The following ERCC6L2 variants were observed in gnomAD, a reference collection of about 807,000 sequenced individuals.
ERCC6L2 encodes the protein ERCC excision repair 6 like 2, also known as DNA excision repair protein ERCC-6-like 2.
ERCC6L2 carries 77 observed loss-of-function variants against 132.0 expected under a neutral mutation model. The observed-to-expected ratio is 0.58, with a 90% confidence interval of 0.49 to 0.71. The LOEUF (loss-of-function observed/expected upper bound fraction) is 0.71. Ranked by LOEUF, ERCC6L2 falls within the 30% of genes least tolerant of loss-of-function variation. The pLI is 0.00. For missense variants in ERCC6L2, 1,542 were observed against 1,837.6 expected (o/e 0.84, Z 2.94); for synonymous variants, 583 against 632.4 (o/e 0.92, Z 1.17).
intron 17 of ERCC6L2, among the ~76,000 whole-genome samples, chr9:95,999,855 A>C (rs1833598774): frequency 6.6e-6 from 1 of 151,168 alleles, no homozygotes. Context: ...TCAAACTTTA[A>C]AGATTAACAT....
At chr9:96,022,695 GCACA>G (rs1834311720), downstream of ERCC6L2, among the ~76,000 whole-genome samples, 1 of 152,190 alleles carries the variant, frequency 6.6e-6, no homozygotes, top group South Asian at 2.1e-4. Flanking sequence ...AGGCAGTGGG[GCACA>G]GGTTCAGTGT....
intron 18 of ERCC6L2, among the ~76,000 whole-genome samples, chr9:96,010,018 AGAAGGGCCAT>A (rs1206474674): frequency 1.1e-4 from 16 of 152,262 alleles, no homozygotes; most frequent in Admixed American, 1.0e-3. Flanking sequence ...AATATTTAAT[AGAAGGGCCAT>A]GAAAATGGAT....
At chr9:95,898,473 C>T (rs567636177) in intron 3 of ERCC6L2, among the ~76,000 whole-genome samples, 2 of 152,168 alleles carry the variant, frequency 1.3e-5, no homozygotes, top group East Asian at 3.9e-4. Flanking sequence ...CTAGGTAGGT[C>T]TGTGCTTATT....
chr9:95,923,304 C>A lies in ERCC6L2; in HGVS notation c.1458C>A (p.Phe486Leu). Residue 486 changes from phenylalanine (F) to leucine (L), a missense_variant, in exon 9 of 19, where the codon TTC (phenylalanine) becomes TTA (leucine). Coordinates refer to ENST00000653738, the MANE Select transcript of ERCC6L2 (RefSeq NM_020207.7). The stretch of plus-strand genomic sequence containing the variant: ...TATGTGATCAGGTATTTTCCAGATT[C>A]CCAGATTTTGTGCAGAAAAGCAAAG... ...KRICDQVFSRFPDFVQKSKDA... is the reference protein window; with the variant it reads ...KRICDQVFSRLPDFVQKSKDA... The A allele has an allele frequency of 1.2e-6, 2 of 1,613,728 alleles. No homozygotes were observed. Among genetic ancestry groups the A allele is most frequent in the Non-Finnish European group, 8.5e-7 (1 of 1,179,826 alleles).
At chr9:95,919,132 A>G (rs1829741389) in intron 6 of ERCC6L2, among the ~76,000 whole-genome samples, 1 of 152,072 alleles carries the variant, frequency 6.6e-6, no homozygotes, top group Non-Finnish European at 1.5e-5. Flanking sequence ...AAGTGCTTGG[A>G]TTACAGGCGT....
chr9:95,917,779 T>G (rs1829669477), intron 6 of ERCC6L2, among the ~76,000 whole-genome samples: 1 of 152,200 alleles, frequency 6.6e-6, no homozygotes, highest in South Asian at 2.1e-4. Context: ...TGGAGCAATT[T>G]GTGAGGCCCT....
At chr9:95,904,203 A>G (rs1393552770) in intron 3 of ERCC6L2, among the ~76,000 whole-genome samples, 1 of 152,000 alleles carries the variant, frequency 6.6e-6, no homozygotes, top group Non-Finnish European at 1.5e-5. Flanking sequence ...TATGTTCCGT[A>G]ATTTTTCTGT....
chr9:95,988,541 AG>A (rs1346170055), intron 17 of ERCC6L2, among the ~76,000 whole-genome samples: 1 of 152,242 alleles, frequency 6.6e-6, no homozygotes, highest in African/African-American at 2.4e-5. Flanking sequence ...ATTTTGTTGC[AG>A]ATGAAATAAT....
At chr9:96,029,523 T>A (rs1834427862) in intron 19 of ERCC6L2, among the ~76,000 whole-genome samples, 1 of 152,154 alleles carries the variant, frequency 6.6e-6, no homozygotes, top group African/African-American at 2.4e-5. Flanking sequence ...ATTTTCTGAA[T>A]GTATGTTGTA....
At chr9:95,876,105 C>T (rs759529546) in intron 1 of ERCC6L2, 21 bp downstream of exon 1, 5 of 1,556,702 alleles carry the variant, frequency 3.2e-6, no homozygotes, top group African/African-American at 1.4e-5. Flanking sequence ...CGCGCTCGCC[C>T]CTTACGCAGA....
At position 95,970,712 on chromosome 9, in the gene ERCC6L2, A is replaced by G. The variant is rs542764021; in HGVS notation, c.2181+56A>G. ...CACCTAGAAAACATGTACTGTGACA[A>G]TTTTGTTTCTTTTCCTTTTTCCTTA... On this transcript the variant is annotated intron_variant, in intron 15 of 18. Coordinates refer to ENST00000653738, the MANE Select transcript of ERCC6L2 (RefSeq NM_020207.7). 3.9e-5 allele frequency: 45 copies of G among 1,151,038 alleles called. No homozygotes were observed. The South Asian group carries it at 7.1e-4, about 18-fold the overall frequency. 71.3% of individuals were successfully genotyped at this position (1,151,038 alleles called of 1,614,324 possible).
intron 13 of ERCC6L2, among the ~76,000 whole-genome samples, chr9:95,961,320 G>C (rs1831890362): frequency 6.6e-6 from 1 of 152,118 alleles, no homozygotes; most frequent in African/African-American, 2.4e-5. Context: ...TGTGACAATG[G>C]AGGCAGAGAT....
Position 96,018,011 on chromosome 9 carries a change from C to G in ERCC6L2, c.*4808C>G, listed in dbSNP as rs1362837610. Among the ~76,000 whole-genome samples the G allele has an allele frequency of 1.3e-5, 2 of 152,112 alleles. No individual in the cohort carries two copies. Among genetic ancestry groups the G allele is most frequent in the Non-Finnish European group, 2.9e-5 (2 of 68,018 alleles). ...ACAGAAGGACAAATACTGTATGATT[C>G]CACTTATATAAAGTACCTAGATTAG... is the stretch of plus-strand genomic sequence containing the variant. On this transcript the variant is annotated 3_prime_UTR_variant, in exon 19 of 19. Coordinates refer to ENST00000653738, the MANE Select transcript of ERCC6L2 (RefSeq NM_020207.7).
rs35227029 is a variant in ERCC6L2, at chr9:95,932,150, C to T, written c.1751+3286C>T. Among the ~76,000 whole-genome samples, 302 of 151,908 alleles carry T rather than the reference C, an allele frequency of 2.0e-3. 1 individual carries two copies. The highest frequency in any genetic ancestry group is 3.4e-3 in the Non-Finnish European group (229 of 67,948). ...TGCAATCTTGGCTCACTGCAACCTC[C>T]GCCTCCCGGATTTCAAGCAATTCTC... On this transcript the variant is annotated intron_variant, in intron 11 of 18. Coordinates refer to ENST00000653738, the MANE Select transcript of ERCC6L2 (RefSeq NM_020207.7).
intron 13 of ERCC6L2, among the ~76,000 whole-genome samples, chr9:95,960,552 G>A (rs2133020090): frequency 6.6e-6 from 1 of 152,254 alleles, no homozygotes; most frequent in Admixed American, 6.5e-5. Context: ...CAGAGGCATT[G>A]ATTGGAGTGG....
At chr9:95,964,932 A>T (rs1832084030) in intron 13 of ERCC6L2, among the ~76,000 whole-genome samples, 1 of 152,156 alleles carries the variant, frequency 6.6e-6, no homozygotes, top group Non-Finnish European at 1.5e-5. Flanking sequence ...AGGCTTACAA[A>T]TTACCTTGGT....
chr9:95,999,213 T>G (rs918339976), intron 17 of ERCC6L2, among the ~76,000 whole-genome samples: 2 of 151,968 alleles, frequency 1.3e-5, no homozygotes, highest in Non-Finnish European at 2.9e-5. Context: ...ACAAAAAAAT[T>G]AGCCAGGCGT....
chr9:96,030,773 C>T (rs76724022), intron 19 of ERCC6L2, among the ~76,000 whole-genome samples: 13,023 of 151,914 alleles, frequency 0.086, 640 homozygotes, highest in Admixed American at 0.1. Flanking sequence ...ACGAACCCAC[C>T]GGAAGGAACA....
chr9:95,923,118 T>A lies in ERCC6L2; in HGVS notation c.1414-142T>A, dbSNP rs1587913468. 3.4e-6 allele frequency: 3 copies of A among 894,020 alleles called. No homozygotes were observed. The Middle Eastern group carries it at 1.1e-3, about 329-fold the overall frequency. The allele number at this position is 894,020 out of a possible 1,614,324, so 55.4% of individuals were successfully genotyped here. ...ACATATAACTTTAAGAGTTTTTGAATTCTTAGTCTGACTTAGGGAAGCAAA... is the reference window on the plus strand; with the variant it reads ...ACATATAACTTTAAGAGTTTTTGAAATCTTAGTCTGACTTAGGGAAGCAAA... On this transcript the variant is annotated intron_variant, in intron 8 of 18. Coordinates refer to ENST00000653738, the MANE Select transcript of ERCC6L2 (RefSeq NM_020207.7).
Sources: gnomAD v4.1 joint callset for allele counts (sites outside exome capture counted in the v4.1 genomes callset) on GRCh38, gnomAD v4.1.1 for gene constraint, MANE v1.5 for transcripts, NCBI Gene and HGNC (gene_info 2026-07-23, HGNC 2026-07-21) for gene names.